SV2C: variants seen among roughly 807,000 people sequenced by gnomAD.
SV2C encodes synaptic vesicle glycoprotein 2C, also known as solute carrier family 22 member B3.
Under a neutral mutation model 79.7 loss-of-function variants are expected in SV2C, and 49 were observed. The observed-to-expected ratio is 0.61, with a 90% CI of 0.49 to 0.78. The LOEUF (loss-of-function observed/expected upper bound fraction) is 0.78, where lower values mean the gene tolerates loss of function less well. SV2C is among the 30% of genes least tolerant of loss of function. The pLI is 0.00. For synonymous variants in SV2C, 334 were observed against 333.2 expected (o/e 1.00, Z -0.03); for missense variants, 833 against 912.9 (o/e 0.91, Z 1.13).
intron 1 of SV2C, among the ~76,000 whole-genome samples, chr5:76,084,816 G>C (rs1016186741): frequency 6.6e-6 from 1 of 151,538 alleles, no homozygotes; most frequent in Admixed American, 6.6e-5. Context: ...GCGACCCGGC[G>C]GGGCAGAGGG....
intron 4 of SV2C, among the ~76,000 whole-genome samples, chr5:76,275,857 A>G (rs1171275835): frequency 6.6e-6 from 1 of 152,240 alleles, no homozygotes; most frequent in Non-Finnish European, 1.5e-5. Flanking sequence ...ATTCCTCGGT[A>G]TGACATTTGA....
chr5:76,317,213 T>G (rs1359651608), intron 12 of SV2C, among the ~76,000 whole-genome samples: 10 of 152,178 alleles, frequency 6.6e-5, no homozygotes, highest in Non-Finnish European at 1.5e-4. Flanking sequence ...ATTTTTAATA[T>G]TTTTTCTCTA....
chr5:76,087,422 C>A (rs1259075705), intron 1 of SV2C, among the ~76,000 whole-genome samples: 2 of 152,224 alleles, frequency 1.3e-5, no homozygotes, highest in African/African-American at 4.8e-5. Flanking sequence ...GTCAAGAGTA[C>A]AGTGAGATTT....
Position 76,329,324 on chromosome 5 carries a change from A to G in SV2C, c.*3777A>G, listed in dbSNP as rs1456011907. On this transcript the variant is annotated 3_prime_UTR_variant, in exon 13 of 13. Transcript: ENST00000502798. ...ATAAACGCGCTTAGGTTAGAAGACT[A>G]TAATTGCAATATTACCCTACAGCTC... 1.3e-5 allele frequency: 2 copies of G among 152,214 alleles called. No individual in the cohort carries two copies. The highest frequency in any genetic ancestry group is 2.4e-5 in the African/African-American group (1 of 41,456). 9.4% of individuals were successfully genotyped at this position (152,214 alleles called of 1,614,324 possible). A position where few individuals can be genotyped will look rare whatever the true frequency, so the allele number is the denominator to read the frequency against.
the SV2C span, among the ~76,000 whole-genome samples, chr5:76,024,890 C>G: frequency 6.6e-6 from 1 of 152,146 alleles, no homozygotes; most frequent in East Asian, 1.9e-4. Context: ...TAGTTCAAAC[C>G]TGTGTTGTTC....
chr5:76,014,169 G>GAAGGAAGA, the SV2C span, among the ~76,000 whole-genome samples: 43 of 140,152 alleles, frequency 3.1e-4, 1 homozygote, highest in African/African-American at 7.2e-4. Context: ...AGGAAGGAAG[G>GAAGGAAGA]AAGAAAGAAA....
At chr5:75,855,302 C>T in the SV2C span, among the ~76,000 whole-genome samples, 1 of 151,930 alleles carries the variant, frequency 6.6e-6, no homozygotes, top group African/African-American at 2.4e-5. Flanking sequence ...TTTCAATTTC[C>T]AATTTTTAAT....
At chr5:75,963,207 G>A in the SV2C span, among the ~76,000 whole-genome samples, 1 of 152,056 alleles carries the variant, frequency 6.6e-6, no homozygotes, top group Admixed American at 6.6e-5. Context: ...TTGAAAAATT[G>A]AAAACCTCTG....
the SV2C span, among the ~76,000 whole-genome samples, chr5:75,996,862 T>G: frequency 7.2e-6 from 1 of 138,776 alleles, no homozygotes; most frequent in Non-Finnish European, 1.6e-5. Context: ...TGAAGTTGCT[T>G]ATCAGCTTAA....
In SV2C at chr5:76,106,696, T is replaced by A. The variant is rs1421204240; in HGVS notation, c.-102+23184T>A. On this transcript the variant is annotated intron_variant, in intron 1 of 12. Transcript: ENST00000502798. ...CCTACTACATAGATCCTCTTGGATG[T>A]CTCTTTCCTTCTTTAAGTCATTGCC... Among the ~76,000 whole-genome samples, 3 of 152,184 alleles carry A rather than the reference T, an allele frequency of 2.0e-5. No homozygotes were observed. The East Asian group carries it at 5.8e-4, about 29-fold the overall frequency.
At chr5:75,952,525 A>G in the SV2C span, among the ~76,000 whole-genome samples, 1 of 151,858 alleles carries the variant, frequency 6.6e-6, no homozygotes, top group Non-Finnish European at 1.5e-5. Flanking sequence ...ATTGGATCAT[A>G]TGGGTCAGAG....
chr5:76,225,259 C>T (rs1174598103), intron 4 of SV2C, among the ~76,000 whole-genome samples: 1 of 152,190 alleles, frequency 6.6e-6, no homozygotes, highest in Non-Finnish European at 1.5e-5. Flanking sequence ...TGGGAGGTTT[C>T]TGATCTTTTA....
At chr5:76,079,899 A>G (rs976792213), upstream of SV2C, 2 of 152,896 alleles carry the variant, frequency 1.3e-5, no homozygotes, top group African/African-American at 2.4e-5. Flanking sequence ...ATTATTTTTA[A>G]TTTTAAAAAG....
the SV2C span, among the ~76,000 whole-genome samples, chr5:75,994,627 A>T: frequency 6.6e-6 from 1 of 152,132 alleles, no homozygotes; most frequent in Non-Finnish European, 1.5e-5. Context: ...TAGTATCAAT[A>T]AATTCATTTT....
chr5:75,969,328 C>A, the SV2C span, among the ~76,000 whole-genome samples: 13 of 152,068 alleles, frequency 8.5e-5, no homozygotes, highest in Non-Finnish European at 1.6e-4. Flanking sequence ...CATAACAATA[C>A]TAACCTTAAA....
intron 4 of SV2C, among the ~76,000 whole-genome samples, chr5:76,263,542 C>G (rs1196309640): frequency 2.0e-5 from 3 of 152,040 alleles, no homozygotes; most frequent in African/African-American, 7.2e-5. Flanking sequence ...TTAGTTGATG[C>G]AGATTTTTCA....
the SV2C span, among the ~76,000 whole-genome samples, chr5:75,999,700 T>TA: frequency 3.3e-5 from 5 of 151,244 alleles, no homozygotes; most frequent in African/African-American, 7.3e-5. Context: ...TGGGCTGCTA[T>TA]AAAAAAAATA....
At chr5:76,037,438 T>C in the SV2C span, among the ~76,000 whole-genome samples, 1 of 152,220 alleles carries the variant, frequency 6.6e-6, no homozygotes, top group Non-Finnish European at 1.5e-5. Context: ...TGGATGTCCT[T>C]TCTGTTTGTT....
chr5:75,998,703 G>T, the SV2C span, among the ~76,000 whole-genome samples: 1 of 151,752 alleles, frequency 6.6e-6, no homozygotes, highest in African/African-American at 2.4e-5. Context: ...TTATACCACT[G>T]GTTGGCTTTC....
Sources: allele counts gnomAD v4.1 joint callset (sites outside exome capture counted in the v4.1 genomes callset), GRCh38; gene constraint gnomAD v4.1.1; transcripts MANE v1.5; gene names NCBI Gene and HGNC (gene_info 2026-07-23, HGNC 2026-07-21).